ACVR1: variants seen among roughly 807,000 people sequenced by gnomAD.
ACVR1 encodes activin A receptor type 1.
A neutral mutation model predicts 57.1 loss-of-function variants in ACVR1; 38 were observed. That is an observed-to-expected ratio of 0.67 (90% CI 0.51 to 0.87). The LOEUF is 0.87. Ranked by LOEUF, ACVR1 falls within the 40% of genes least tolerant of loss-of-function variation. The pLI is 0.00. For missense variants in ACVR1, 463 were observed against 638.2 expected, an observed-to-expected ratio of 0.73 and a Z score of 2.96; for synonymous variants, 212 against 228.1, an observed-to-expected ratio of 0.93 and a Z score of 0.63.
chr2:157,746,287 G>T (rs73022031), intron 9 of ACVR1, among the ~76,000 whole-genome samples: 2,677 of 152,218 alleles, frequency 0.018, 66 homozygotes, highest in African/African-American at 0.059. Flanking sequence ...TTACATATAC[G>T]ATCTCATTTA....
At chr2:157,761,470 C>G (rs1222423208) in intron 8 of ACVR1, among the ~76,000 whole-genome samples, 1 of 152,190 alleles carries the variant, frequency 6.6e-6, no homozygotes, top group Non-Finnish European at 1.5e-5. Context: ...ACTGCTCTCA[C>G]TAGTCTCCAA....
At chr2:157,789,884 T>G (rs568815251) in intron 3 of ACVR1, among the ~76,000 whole-genome samples, 2 of 152,312 alleles carry the variant, frequency 1.3e-5, no homozygotes, top group African/African-American at 4.8e-5. Context: ...TGGCTACCAC[T>G]AGGAGACTTT....
chr2:157,857,579 T>C (rs1049459621), intron 1 of ACVR1, among the ~76,000 whole-genome samples: 3 of 152,126 alleles, frequency 2.0e-5, no homozygotes, highest in South Asian at 4.1e-4. Context: ...TAAAATAATA[T>C]CATTTTCTGC....
intron 1 of ACVR1, among the ~76,000 whole-genome samples, chr2:157,835,897 C>A (rs902506387): frequency 1.8e-4 from 28 of 152,190 alleles, no homozygotes; most frequent in Admixed American, 1.8e-3. Context: ...CAGCCAACAA[C>A]CCTTTAATTT....
At chr2:157,799,834 A>G (rs1687258138) in intron 2 of ACVR1, among the ~76,000 whole-genome samples, 1 of 152,200 alleles carries the variant, frequency 6.6e-6, no homozygotes, top group Non-Finnish European at 1.5e-5. Flanking sequence ...ATTTTATCTT[A>G]CCCCATTGAA....
At chr2:157,801,500 A>C (rs951952013) in intron 2 of ACVR1, among the ~76,000 whole-genome samples, 65 of 152,200 alleles carry the variant, frequency 4.3e-4, no homozygotes, top group Non-Finnish European at 2.8e-4. Flanking sequence ...TAACCACTTT[A>C]CTAGAGAAAA....
At chr2:157,765,499 A>AT in intron 8 of ACVR1, among the ~76,000 whole-genome samples, 1 of 152,294 alleles carries the variant, frequency 6.6e-6, no homozygotes, top group South Asian at 2.1e-4. Context: ...CTCGACAGGG[A>AT]TTTGGGTTTT....
intron 8 of ACVR1, among the ~76,000 whole-genome samples, chr2:157,763,575 G>C (rs1387392121): frequency 6.6e-6 from 1 of 152,082 alleles, no homozygotes; most frequent in African/African-American, 2.4e-5. Flanking sequence ...AAAAAAGTTA[G>C]CCAGGTGTGG....
intron 1 of ACVR1, among the ~76,000 whole-genome samples, chr2:157,870,277 G>C (rs897818625): frequency 6.6e-6 from 1 of 152,102 alleles, no homozygotes. Flanking sequence ...TTATATTTTG[G>C]AGGGCCTATC....
intron 1 of ACVR1, among the ~76,000 whole-genome samples, chr2:157,844,247 G>A (rs1689062183): frequency 6.6e-6 from 1 of 152,172 alleles, no homozygotes. Context: ...TTCCAGTGAA[G>A]ATGAAGACTG....
At chr2:157,831,497 G>A (rs961520551) in intron 1 of ACVR1, among the ~76,000 whole-genome samples, 6 of 152,116 alleles carry the variant, frequency 3.9e-5, no homozygotes, top group Admixed American at 1.3e-4. Flanking sequence ...AGATCTACCC[G>A]AGAAAAATCA....
Position 157,856,216 on chromosome 2 carries a change from T to C in ACVR1, c.-183+19580A>G, listed in dbSNP as rs920775326. 2.0e-5 allele frequency among the ~76,000 whole-genome samples: 3 copies of C among 152,172 alleles called. No individual in the cohort carries two copies. The East Asian group carries it at 5.8e-4, about 29-fold the overall frequency. ...AAAGCCTTCAGTTCCCCCACTAAGA[T>C]ATCATCAGCTCTGCATTACTCCAAT... On this transcript the variant is annotated intron_variant, in intron 1 of 10. Coordinates refer to ENST00000434821, the MANE Select transcript of ACVR1 (RefSeq NM_001111067.4).
intron 9 of ACVR1, among the ~76,000 whole-genome samples, chr2:157,749,221 A>G (rs775565978): frequency 5.9e-5 from 9 of 152,356 alleles, no homozygotes; most frequent in Non-Finnish European, 1.2e-4. Flanking sequence ...TCAGAATACA[A>G]TGTACTTAAA....
intron 2 of ACVR1, among the ~76,000 whole-genome samples, chr2:157,813,468 A>C (rs1574097505): frequency 6.6e-6 from 1 of 152,186 alleles, no homozygotes; most frequent in African/African-American, 2.4e-5. Context: ...TTCAGTCTGC[A>C]TTGCGGCTAG....
intron 5 of ACVR1, among the ~76,000 whole-genome samples, chr2:157,777,517 G>A (rs962738895): frequency 6.6e-6 from 1 of 152,114 alleles, no homozygotes; most frequent in African/African-American, 2.4e-5. Flanking sequence ...CTACTTTTAC[G>A]AAACTTTTTG....
intron 9 of ACVR1, among the ~76,000 whole-genome samples, chr2:157,748,215 C>T (rs1411836075): frequency 2.0e-5 from 3 of 152,222 alleles, no homozygotes; most frequent in East Asian, 1.9e-4. Flanking sequence ...GTTTGCAACA[C>T]GAGTTCTTAC....
At chr2:157,770,677 T>C (rs1574043660) in intron 6 of ACVR1, among the ~76,000 whole-genome samples, 163 bp from the exon 7 acceptor site, 3 of 151,932 alleles carry the variant, frequency 2.0e-5, no homozygotes, top group African/African-American at 7.2e-5. Context: ...TTATTTTTTA[T>C]TTTTTTTGGC....
chr2:157,858,598 A>G (rs1689619969), intron 1 of ACVR1, among the ~76,000 whole-genome samples: 1 of 152,012 alleles, frequency 6.6e-6, no homozygotes, highest in Non-Finnish European at 1.5e-5. Context: ...CGGCCTCCCA[A>G]CTAGCTGGGA....
intron 9 of ACVR1, among the ~76,000 whole-genome samples, chr2:157,750,214 A>G (rs1685130308): frequency 6.6e-6 from 1 of 152,128 alleles, no homozygotes. Flanking sequence ...GTCATCATCA[A>G]TGCCACACAA....
Sources: allele counts gnomAD v4.1 joint callset (sites outside exome capture counted in the v4.1 genomes callset), GRCh38; gene constraint gnomAD v4.1.1; transcripts MANE v1.5; gene names NCBI Gene and HGNC (gene_info 2026-07-23, HGNC 2026-07-21).